CAST: variants seen among roughly 807,000 people sequenced by gnomAD.
The protein encoded by CAST is MIR583 host.
A neutral mutation model predicts 119.6 loss-of-function variants in CAST; 76 were observed. The observed-to-expected ratio is 0.64, with a 90% confidence interval of 0.53 to 0.77. The LOEUF is 0.77. CAST is among the 30% of genes least tolerant of loss of function. The pLI, the probability that CAST is intolerant of heterozygous loss-of-function variation, is 0.00. For synonymous variants in CAST, 319 were observed against 331.6 expected (o/e 0.96, Z 0.41); for missense variants, 953 against 946.5 (o/e 1.01, Z -0.09).
the CAST span, among the ~76,000 whole-genome samples, chr5:96,264,331 C>A: frequency 6.6e-6 from 1 of 152,310 alleles, no homozygotes; most frequent in East Asian, 1.9e-4. Context: ...TAAGTCTACT[C>A]GTATTCTTTA....
the CAST span, among the ~76,000 whole-genome samples, chr5:95,968,111 GA>G: frequency 4.6e-5 from 7 of 152,158 alleles, no homozygotes; most frequent in Non-Finnish European, 1.5e-5. Flanking sequence ...TTATCACAGT[GA>G]AATTAATAAA....
At chr5:96,712,857 A>G (rs1262291596) in intron 3 of CAST, among the ~76,000 whole-genome samples, 2 of 152,142 alleles carry the variant, frequency 1.3e-5, no homozygotes, top group Non-Finnish European at 2.9e-5. Flanking sequence ...AATATTCTTC[A>G]GTGAAAGGTG....
At chr5:96,404,630 A>G in the CAST span, among the ~76,000 whole-genome samples, 1 of 151,910 alleles carries the variant, frequency 6.6e-6, no homozygotes, top group African/African-American at 2.4e-5. Flanking sequence ...AATCTTCCGA[A>G]CCCTCCTTTA....
At chr5:95,981,077 C>A in the CAST span, among the ~76,000 whole-genome samples, 1 of 152,232 alleles carries the variant, frequency 6.6e-6, no homozygotes. Context: ...ACCCAAAGTA[C>A]AAGGGTACAG....
At chr5:96,763,368 G>C in intron 25 of CAST, 1 of 711,022 alleles carries the variant, frequency 1.4e-6, no homozygotes, top group Non-Finnish European at 2.6e-6. Flanking sequence ...GCATGTGCAT[G>C]TGCATGTGTG....
the CAST span, among the ~76,000 whole-genome samples, chr5:96,347,535 GT>G: frequency 6.6e-6 from 1 of 152,058 alleles, no homozygotes; most frequent in Non-Finnish European, 1.5e-5. Context: ...TCAGACCTTG[GT>G]TTTTTTCTCT....
the CAST span, among the ~76,000 whole-genome samples, chr5:96,102,246 C>T: frequency 8.5e-5 from 13 of 152,214 alleles, no homozygotes; most frequent in Admixed American, 2.6e-4. Context: ...TTTTATTTAG[C>T]GATGGAGTGA....
the CAST span, among the ~76,000 whole-genome samples, chr5:96,518,376 G>T: frequency 1.3e-5 from 2 of 152,134 alleles, no homozygotes; most frequent in East Asian, 3.8e-4. Context: ...TTAGATTATG[G>T]GATATCTGGG....
chr5:96,131,080 G>A, the CAST span, among the ~76,000 whole-genome samples: 4 of 151,980 alleles, frequency 2.6e-5, no homozygotes, highest in Admixed American at 2.6e-4. Context: ...TTGTTACATT[G>A]TAATGTTGTA....
chr5:96,478,294 G>A, the CAST span, among the ~76,000 whole-genome samples: 1 of 152,068 alleles, frequency 6.6e-6, no homozygotes, highest in East Asian at 1.9e-4. Flanking sequence ...AAAACTTATA[G>A]GATTAAAAAT....
chr5:96,406,609 C>A, the CAST span, among the ~76,000 whole-genome samples: 27,984 of 152,116 alleles, frequency 0.18, 3,217 homozygotes, highest in Middle Eastern at 0.25. Flanking sequence ...CCCAGGGATC[C>A]TAGAGATAAA....
chr5:96,564,284 T>C (rs1561417966), intron 1 of CAST, among the ~76,000 whole-genome samples: 1 of 152,228 alleles, frequency 6.6e-6, no homozygotes, highest in Non-Finnish European at 1.5e-5. Flanking sequence ...TCGTTTGCTT[T>C]GGAATTACAA....
chr5:96,385,379 TG>T, the CAST span, among the ~76,000 whole-genome samples: 1 of 152,180 alleles, frequency 6.6e-6, no homozygotes, highest in Non-Finnish European at 1.5e-5. Context: ...TTGCAAAATT[TG>T]GAAGTAAAGC....
the CAST span, among the ~76,000 whole-genome samples, chr5:96,079,582 A>T: frequency 6.6e-6 from 1 of 152,224 alleles, no homozygotes; most frequent in African/African-American, 2.4e-5. Flanking sequence ...AAGATATACA[A>T]TGAAAAATGA....
chr5:96,135,669 A>C, the CAST span, among the ~76,000 whole-genome samples: 2 of 152,148 alleles, frequency 1.3e-5, no homozygotes, highest in Non-Finnish European at 2.9e-5. Context: ...TTAGGATCTC[A>C]CCATTGTCTT....
chr5:96,388,521 A>G, the CAST span, among the ~76,000 whole-genome samples: 2 of 152,186 alleles, frequency 1.3e-5, no homozygotes, highest in South Asian at 2.1e-4. Context: ...CATCACATTC[A>G]TTAATATTCC....
the CAST span, among the ~76,000 whole-genome samples, chr5:96,347,028 C>G: frequency 1.3e-5 from 2 of 152,114 alleles, no homozygotes; most frequent in African/African-American, 2.4e-5. Context: ...GGGCATCTTT[C>G]AGACGGGTTT....
At chr5:96,432,131 G>C in the CAST span, 1 of 1,535,602 alleles carries the variant, frequency 6.5e-7, no homozygotes, top group Non-Finnish European at 8.7e-7. Context: ...TAGTCAGTTC[G>C]GCATCTCGAC....
chr5:96,463,809 C>G, the CAST span, among the ~76,000 whole-genome samples: 1 of 152,048 alleles, frequency 6.6e-6, no homozygotes, highest in Non-Finnish European at 1.5e-5. Context: ...CTCTCCTTCT[C>G]TTCCCCTTTA....
Sources: gnomAD v4.1 joint callset for allele counts (sites outside exome capture counted in the v4.1 genomes callset) on GRCh38, gnomAD v4.1.1 for gene constraint, MANE v1.5 for transcripts, NCBI Gene and HGNC (gene_info 2026-07-23, HGNC 2026-07-21) for gene names.